LTBP4: variants seen among roughly 807,000 people sequenced by gnomAD.
The protein encoded by LTBP4 is latent-transforming growth factor beta-binding protein 4.
LTBP4 carries 93 observed loss-of-function variants against 180.2 expected under a neutral mutation model. The ratio of observed to expected loss-of-function variants is 0.52; its 90% CI spans 0.44 to 0.61. The LOEUF is 0.61. LTBP4 is among the 20% of genes least tolerant of loss of function. The pLI is 0.00. For missense variants in LTBP4, 2,116 were observed against 2,256.5 expected (o/e 0.94, Z 1.26); for synonymous variants, 947 against 934.5 (o/e 1.01, Z -0.24).
upstream of LTBP4, chr19:40,597,239 C>G (rs905030023): frequency 3.5e-5 from 53 of 1,499,820 alleles, no homozygotes; most frequent in Middle Eastern, 2.3e-4. Context: ...GACACGATGC[C>G]GAGGCCTGGC....
rs559861732 is a variant in LTBP4 at position 40,617,379 on chromosome 19, C to T, written c.3070+154C>T. On this transcript the variant is annotated intron_variant, in intron 21 of 29. Coordinates refer to ENST00000396819, the MANE Select transcript of LTBP4 (RefSeq NM_001042545.2). ...CATCTTCATGCCAGGCACGGTGGCTCACGCCTGTAATCCCAGTACTTTGGG... is the reference window on the plus strand; with the variant it reads ...CATCTTCATGCCAGGCACGGTGGCTTACGCCTGTAATCCCAGTACTTTGGG... Among the ~76,000 whole-genome samples, 7 of 152,262 alleles carry T rather than the reference C, an allele frequency of 4.6e-5. No homozygotes were observed. In the East Asian group the frequency reaches 1.2e-3, roughly 25 times the overall value.
Position 40,619,465 on chromosome 19 carries a change from A to C in LTBP4, c.3189A>C (p.Gly1063=). The change falls in exon 22 of 30, where the codon GGA becomes GGC. Residue 1063 remains glycine, a synonymous_variant. Coordinates refer to ENST00000396819, the MANE Select transcript of LTBP4 (RefSeq NM_001042545.2). ...CGGAAGAGTTTGACCCCATGACTGGACGCTGTGTTCCCCCACGAACTTCTG... is the reference window on the plus strand; with the variant it reads ...CGGAAGAGTTTGACCCCATGACTGGCCGCTGTGTTCCCCCACGAACTTCTG... ...NSPEEFDPMT[G]RCVPPRTSAG... The C allele has an allele frequency of 1.2e-6, 2 of 1,612,842 alleles. No individual in the cohort carries two copies. Among genetic ancestry groups the C allele is most frequent in the Non-Finnish European group, 1.7e-6 (2 of 1,179,330 alleles).
At chr19:40,608,732 G>A (rs1237080380) in intron 9 of LTBP4, 129 bp downstream of exon 9, 26 of 1,043,160 alleles carry the variant, frequency 2.5e-5, no homozygotes, top group South Asian at 6.1e-5. Flanking sequence ...CCAACATGGC[G>A]AAACCCTGTC....
rs199508547 is a variant in LTBP4 at position 40,614,399 on chromosome 19, G to C, written c.2765G>C (p.Arg922Pro). The change falls in exon 19 of 30, where the codon CGG becomes CCG. Residue 922 changes from arginine to proline, a missense_variant. By Grantham distance (103) the Arg-to-Pro change is moderately radical. This residue lies in a region of LTBP4 where 877 missense variants were observed against 873.6 expected (regional missense o/e 1.00). Coordinates refer to ENST00000396819, the MANE Select transcript of LTBP4 (RefSeq NM_001042545.2). ...TCTCCCGGCTCCTACCGCTGTGTCC[G>C]GGACTGCGATCCTGGGTACCACGCG... ...ENSPGSYRCV[R>P]DCDPGYHAGP... The C allele has an allele frequency of 1.8e-5, 29 of 1,600,106 alleles. No individual in the cohort carries two copies. The African/African-American group carries it at 3.5e-4, about 19-fold the overall frequency.
At chr19:40,599,836 T>C (rs893033051), upstream of LTBP4, 5 of 548,028 alleles carry the variant, frequency 9.1e-6, no homozygotes, top group African/African-American at 9.5e-5. Flanking sequence ...CCTGCCTCTA[T>C]GTCTAAGTCT....
Position 40,611,255 on chromosome 19 carries a change from G to C in LTBP4, c.1914G>C (p.Ser638=). The change falls in exon 13 of 30, where the codon TCG becomes TCC. Residue 638 remains serine (S), a synonymous_variant. Coordinates refer to ENST00000396819, the MANE Select transcript of LTBP4 (RefSeq NM_001042545.2). The surrounding 1 kb of genome is among the most constrained non-coding windows in gnomAD (Gnocchi z 4.4). The part of the protein sequence containing the change: ...RCVCPAGFRG[S]ACEEDVDECA... Reference sequence around the variant, plus strand: ...TTTGCCCGGCTGGCTTCCGGGGCTCGGCGTGTGAAGAGGATGTGGATGAGT... The same window carrying C: ...TTTGCCCGGCTGGCTTCCGGGGCTCCGCGTGTGAAGAGGATGTGGATGAGT... 6.2e-7 allele frequency: 1 copy of C among 1,612,694 alleles called. No homozygotes were observed. The highest frequency in any genetic ancestry group is 8.5e-7 in the Non-Finnish European group (1 of 1,179,414).
At chr19:40,597,226 CCCGACACGA>C, upstream of LTBP4, 1 of 1,479,218 alleles carries the variant, frequency 6.8e-7, no homozygotes, top group Non-Finnish European at 8.9e-7. Flanking sequence ...GGACTCGGCG[CCCGACACGA>C]TGCCGAGGCC....
At position 40,609,390 on chromosome 19, in the gene LTBP4, T is replaced by A; in HGVS notation, c.1427-140T>A. The A allele has an allele frequency of 9.2e-7, 1 of 1,085,600 alleles. No homozygotes were observed. The highest frequency in any genetic ancestry group is 1.3e-6 in the Non-Finnish European group (1 of 752,272). The allele number at this position is 1,085,600 out of a possible 1,614,324, so 67.2% of individuals were successfully genotyped here. Reference sequence around the variant, plus strand: ...CGTTCCAGGATAAAAAAGATGGAGATCAGAAGAAGACTGGGCTTGCTTGGG... The same window carrying A: ...CGTTCCAGGATAAAAAAGATGGAGAACAGAAGAAGACTGGGCTTGCTTGGG... On this transcript the variant is annotated intron_variant, in intron 9 of 29. Coordinates refer to ENST00000396819, the MANE Select transcript of LTBP4 (RefSeq NM_001042545.2). This position sits in a 1 kb window ranked among gnomAD's most constrained non-coding sequence, Gnocchi z 4.9.
intron 22 of LTBP4, among the ~76,000 whole-genome samples, chr19:40,621,909 G>C (rs2081588708): frequency 6.6e-6 from 1 of 151,988 alleles, no homozygotes; most frequent in African/African-American, 2.4e-5. Flanking sequence ...CACCACACCC[G>C]GCTAATTTTT....
intron 21 of LTBP4, 34 bp from the exon 22 acceptor site, chr19:40,619,312 CT>C: frequency 6.2e-7 from 1 of 1,603,288 alleles, no homozygotes; most frequent in East Asian, 2.2e-5. Flanking sequence ...CTTATAACCA[CT>C]GAGTCCCTCT....
chr19:40,602,370 G>A (rs1237278817), intron 1 of LTBP4, among the ~76,000 whole-genome samples: 1 of 151,870 alleles, frequency 6.6e-6, no homozygotes, highest in Non-Finnish European at 1.5e-5. Flanking sequence ...GGGGGAGGGC[G>A]CACCACCTGT....
In LTBP4 at chr19:40,609,820, T is replaced by A; in HGVS notation, c.1633T>A (p.Cys545Ser). The stretch of plus-strand genomic sequence containing the variant: ...CGAGAACTCACCAGGCAGCTTCCGC[T>A]GCGTGTGCGGCCCGGGCTTCCGAGC... ...RCENSPGSFR[C>S]VCGPGFRAGP... Residue 545 changes from cysteine to serine, a missense_variant, in exon 11 of 30, where the codon TGC (cysteine) becomes AGC (serine). By Grantham distance (112) the Cys-to-Ser change is moderately radical. Around this residue, in one of 5 missense-constraint regions of LTBP4, gnomAD observed 877 missense variants for 873.6 expected, o/e 1.00. Coordinates refer to ENST00000396819, the MANE Select transcript of LTBP4 (RefSeq NM_001042545.2). This position sits in a 1 kb window ranked among gnomAD's most constrained non-coding sequence, Gnocchi z 4.9. 6.2e-7 allele frequency: 1 copy of A among 1,605,568 alleles called. No individual in the cohort carries two copies.
intron 29 of LTBP4, among the ~76,000 whole-genome samples, chr19:40,628,111 T>G (rs1363677003): frequency 6.6e-6 from 1 of 152,234 alleles, no homozygotes; most frequent in African/African-American, 2.4e-5. Flanking sequence ...AGGAATAGAA[T>G]AGTGCTGGTG....
rs748078658 is a variant in LTBP4, at chr19:40,617,144, G to A, written c.2989G>A (p.Val997Met). 1.7e-5 allele frequency: 28 copies of A among 1,613,872 alleles called. No homozygotes were observed. The highest frequency in any genetic ancestry group is 2.3e-5 in the Non-Finnish European group (27 of 1,179,904). Residue 997 changes from valine (V) to methionine (M), a missense_variant, in exon 21 of 30, where the codon GTG (valine) becomes ATG (methionine). By Grantham distance (21) the Val-to-Met change is conservative. This residue lies in a region of LTBP4 where 278 missense variants were observed against 373.0 expected (regional missense o/e 0.75). Transcript: ENST00000396819. The part of the protein sequence containing the change: ...RNRSFCGAHA[V>M]CQNLPGSFQC... Reference sequence around the variant, plus strand: ...CCGGTCCTTCTGCGGTGCCCACGCCGTGTGCCAGAACCTGCCCGGCTCCTT... The same window carrying A: ...CCGGTCCTTCTGCGGTGCCCACGCCATGTGCCAGAACCTGCCCGGCTCCTT...
upstream of LTBP4, chr19:40,599,303 A>G: frequency 1.9e-6 from 3 of 1,613,162 alleles, no homozygotes; most frequent in Admixed American, 3.3e-5. Flanking sequence ...AGGGAATAGG[A>G]GGAGAGGGGC....
At position 40,622,960 on chromosome 19, in the gene LTBP4, G is replaced by C. The variant is rs1487859732; in HGVS notation, c.3495G>C (p.Gln1165His). ...QCPGTETAEY[Q>H]SLCPHGRGYL... Reference sequence around the variant, plus strand: ...TGTCTCTGTGTGTAGCTGAGTACCAGTCATTGTGCCCTCACGGCCGGGGCT... The same window carrying C: ...TGTCTCTGTGTGTAGCTGAGTACCACTCATTGTGCCCTCACGGCCGGGGCT... The change falls in exon 24 of 30, where the codon CAG (glutamine) becomes CAC (histidine). Residue 1165 changes from glutamine (Q) to histidine (H), a missense_variant. Around this residue, in one of 5 missense-constraint regions of LTBP4, gnomAD observed 278 missense variants for 373.0 expected, o/e 0.75. Transcript: ENST00000396819. The surrounding 1 kb of genome is among the most constrained non-coding windows in gnomAD (Gnocchi z 5.1). The C allele has an allele frequency of 6.2e-7, 1 of 1,613,196 alleles. No homozygotes were observed. Among genetic ancestry groups the C allele is most frequent in the Admixed American group, 1.7e-5 (1 of 59,926 alleles).
rs2081624344 is a variant in LTBP4, at chr19:40,625,307, TA to T, written c.3833-549del. 2.4e-3 allele frequency among the ~76,000 whole-genome samples: 56 copies of T among 23,766 alleles called. 1 individual carries two copies. Among genetic ancestry groups the T allele is most frequent in the Admixed American group, 3.7e-3 (8 of 2,142 alleles). 15.6% of individuals were successfully genotyped at this position (23,766 alleles called of 152,430 possible). ...ATATATATATATATATATATATATA[TA>T]TATATATATTTTTTTTTTTAAAGAT... is the stretch of plus-strand genomic sequence containing the variant. On this transcript the variant is annotated intron_variant, in intron 26 of 29. Transcript: ENST00000396819.
chr19:40,593,349 C>G (rs1221320251), intron 1 of LTBP4, among the ~76,000 whole-genome samples: 1 of 152,104 alleles, frequency 6.6e-6, no homozygotes, highest in Non-Finnish European at 1.5e-5. Context: ...CTCAAGTGAT[C>G]CTCCTGCCTC....
rs2081489034 is a variant in LTBP4, at chr19:40,609,570, C to T, written c.1467C>T (p.Cys489=). 1 of 1,613,464 alleles carries T rather than the reference C, an allele frequency of 6.2e-7. No homozygotes were observed. Among genetic ancestry groups the T allele is most frequent in the Non-Finnish European group, 8.5e-7 (1 of 1,179,834 alleles). The change falls in exon 10 of 30, where the codon TGC becomes TGT. Residue 489 remains cysteine, a synonymous_variant. Coordinates refer to ENST00000396819, the MANE Select transcript of LTBP4 (RefSeq NM_001042545.2). This position sits in a 1 kb window ranked among gnomAD's most constrained non-coding sequence, Gnocchi z 4.9. ...TGTGTCAGCGCAACCCCCAGGTCTG[C>T]GGCCCAGGACGCTGCATTTCCCGGC... The part of the protein sequence containing the change: ...SGMCQRNPQV[C]GPGRCISRPS...
Sources: allele counts gnomAD v4.1 joint callset (sites outside exome capture counted in the v4.1 genomes callset), GRCh38; gene constraint gnomAD v4.1.1; regional missense constraint gnomAD v4.1.1; non-coding constraint Gnocchi (gnomAD v3.1); transcripts MANE v1.5; gene names NCBI Gene and HGNC (gene_info 2026-07-23, HGNC 2026-07-21).